KCNMA1: variants seen among roughly 807,000 people sequenced by gnomAD.
The protein encoded by KCNMA1 is Calcium-activated potassium channel subunit alpha-1.
KCNMA1 carries 29 observed loss-of-function variants against 140.0 expected under a neutral mutation model. That is an observed-to-expected ratio of 0.21 (90% CI 0.15 to 0.28). KCNMA1 has a LOEUF of 0.28. KCNMA1 is among the 10% of genes least tolerant of loss of function. The pLI is 1.00. For missense variants in KCNMA1, 880 were observed against 1,602.2 expected, an observed-to-expected ratio of 0.55 and a Z score of 7.70; for synonymous variants, 612 against 611.9, an observed-to-expected ratio of 1.00 and a Z score of 0.00.
intron 25 of KCNMA1, among the ~76,000 whole-genome samples, chr10:76,909,252 G>A (rs1348833690): frequency 6.6e-6 from 1 of 151,966 alleles, no homozygotes; most frequent in Non-Finnish European, 1.5e-5. Flanking sequence ...CAATACCACT[G>A]AGCTCCATCC....
chr10:77,056,768 C>T (rs1266884113), intron 14 of KCNMA1, among the ~76,000 whole-genome samples: 1 of 151,980 alleles, frequency 6.6e-6, no homozygotes, highest in Non-Finnish European at 1.5e-5. Context: ...TTAAAAAATA[C>T]AATAACTAAA....
At chr10:77,296,022 T>C (rs1180756772) in intron 2 of KCNMA1, among the ~76,000 whole-genome samples, 1 of 151,824 alleles carries the variant, frequency 6.6e-6, no homozygotes, top group Non-Finnish European at 1.5e-5. Flanking sequence ...TGACTGGAAG[T>C]TGTGGTAGAT....
At chr10:77,187,534 C>A (rs1012311131) in intron 3 of KCNMA1, among the ~76,000 whole-genome samples, 1 of 152,224 alleles carries the variant, frequency 6.6e-6, no homozygotes, top group Non-Finnish European at 1.5e-5. Flanking sequence ...TCATTCCTTG[C>A]GTACTAGACT....
intron 2 of KCNMA1, among the ~76,000 whole-genome samples, chr10:77,306,230 C>T (rs2077681494): frequency 6.6e-6 from 1 of 152,148 alleles, no homozygotes; most frequent in Admixed American, 6.5e-5. Flanking sequence ...TTGCAAGGGT[C>T]CCTGAAAGGG....
chr10:77,049,808 C>T (rs2095287362), intron 14 of KCNMA1, among the ~76,000 whole-genome samples: 1 of 152,108 alleles, frequency 6.6e-6, no homozygotes, highest in Admixed American at 6.6e-5. Flanking sequence ...TAGGATCTAC[C>T]AGGGAGTATG....
chr10:76,940,991 GAGAA>G (rs1293000450), intron 23 of KCNMA1, among the ~76,000 whole-genome samples: 3 of 63,444 alleles, frequency 4.7e-5, no homozygotes, highest in Non-Finnish European at 6.6e-5. Flanking sequence ...GAGAGAAAGA[GAGAA>G]AGAAAGGAAG....
At chr10:76,990,744 C>T (rs543488170) in intron 19 of KCNMA1, among the ~76,000 whole-genome samples, 1 of 152,136 alleles carries the variant, frequency 6.6e-6, no homozygotes, top group Non-Finnish European at 1.5e-5. Context: ...CAGTTGGATA[C>T]GTTACAGGCC....
rs78894674 is a variant in KCNMA1 at position 77,381,620 on chromosome 10, G to A, written c.540+22242C>T. 2.1e-4 allele frequency among the ~76,000 whole-genome samples: 32 copies of A among 152,246 alleles called. No individual in the cohort carries two copies. In the East Asian group the frequency reaches 5.6e-3, roughly 27 times the overall value. On this transcript the variant is annotated intron_variant, in intron 2 of 27. Transcript: ENST00000286628. ...AGCCTGTTGGGACCCAGTGATTGTG[G>A]TCTAAGTTTCAATGACTTTTTTTTT... is the stretch of plus-strand genomic sequence containing the variant.
At chr10:77,019,576 T>C (rs980843845) in intron 16 of KCNMA1, 8 of 167,786 alleles carry the variant, frequency 4.8e-5, no homozygotes, top group Admixed American at 1.1e-4. Flanking sequence ...CACCACATAT[T>C]ACCGCAGGGA....
intron 1 of KCNMA1, among the ~76,000 whole-genome samples, chr10:77,629,853 G>A (rs572766912): frequency 6.6e-5 from 10 of 152,296 alleles, no homozygotes; most frequent in South Asian, 4.2e-4. Context: ...TGTGCAGGCC[G>A]CCACGATGCT....
intron 2 of KCNMA1, among the ~76,000 whole-genome samples, chr10:77,317,718 G>GC (rs2081258046): frequency 1.3e-5 from 2 of 152,228 alleles, no homozygotes; most frequent in Non-Finnish European, 1.5e-5. Flanking sequence ...TTGGCACAAG[G>GC]CCGCTGTACA....
intron 16 of KCNMA1, chr10:77,022,930 C>T (rs750841377): frequency 2.2e-6 from 1 of 455,056 alleles, no homozygotes; most frequent in Non-Finnish European, 4.4e-6. Flanking sequence ...ATGTAAACAG[C>T]CTGCCACTTG....
chr10:77,411,069 C>T (rs1466318461), intron 1 of KCNMA1, among the ~76,000 whole-genome samples: 2 of 152,206 alleles, frequency 1.3e-5, no homozygotes, highest in African/African-American at 2.4e-5. Flanking sequence ...GTGGCGTGAT[C>T]TCGGCTCACT....
chr10:77,360,845 G>A (rs2093884344), intron 2 of KCNMA1, among the ~76,000 whole-genome samples: 1 of 152,176 alleles, frequency 6.6e-6, no homozygotes, highest in Admixed American at 6.5e-5. Context: ...GGGAGGGAGG[G>A]ACGGGTAGAA....
chr10:77,177,278 C>CTTCCTTCCTTCT (rs548957814), intron 5 of KCNMA1, among the ~76,000 whole-genome samples: 1 of 151,036 alleles, frequency 6.6e-6, no homozygotes, highest in South Asian at 2.1e-4. Flanking sequence ...TCTTTCCTTT[C>CTTCCTTCCTTCT]TTCCTTCCTT....
chr10:77,161,492 G>A (rs1305852371), intron 5 of KCNMA1, among the ~76,000 whole-genome samples: 1 of 151,978 alleles, frequency 6.6e-6, no homozygotes, highest in East Asian at 1.9e-4. Flanking sequence ...CAATCTTCCT[G>A]CCCTGGCCTC....
rs199766376 is a variant in KCNMA1, at chr10:76,887,313, T to C, written c.3664A>G (p.Arg1222Gly). 16 of 1,614,108 alleles carry C rather than the reference T, an allele frequency of 9.9e-6. No individual in the cohort carries two copies. Among genetic ancestry groups the C allele is most frequent in the Non-Finnish European group, 1.3e-5 (15 of 1,179,984 alleles). Residue 1222 changes from arginine to glycine, a missense_variant, in exon 28 of 28, where the codon AGG becomes GGG. Arg to Gly is a moderately radical substitution (Grantham distance 125). Transcript: ENST00000286628. ...TACTTCTGTTTGTCCCGGGACTCCC[T>C]GGACTTGGGCCGGTTCTGTCGGTTT... ...TANRQNRPKS[R>G]ESRDKQKYVQ...
At chr10:77,188,772 C>T (rs1360005564) in intron 3 of KCNMA1, among the ~76,000 whole-genome samples, 1 of 152,128 alleles carries the variant, frequency 6.6e-6, no homozygotes, top group East Asian at 1.9e-4. Flanking sequence ...CAGACCTTCC[C>T]AAAGACTGAC....
intron 3 of KCNMA1, among the ~76,000 whole-genome samples, chr10:77,238,782 T>C (rs549714899): frequency 9.2e-5 from 14 of 152,332 alleles, no homozygotes; most frequent in Admixed American, 2.6e-4. Flanking sequence ...GAATCCATCT[T>C]AAGAGAATAG....
Sources: gnomAD v4.1 joint callset for allele counts (sites outside exome capture counted in the v4.1 genomes callset) on GRCh38, gnomAD v4.1.1 for gene constraint, MANE v1.5 for transcripts, NCBI Gene and HGNC (gene_info 2026-07-23, HGNC 2026-07-21) for gene names.